Variants in CYRIB observed in about 807,000 individuals in gnomAD.
CYRIB encodes CYFIP-related Rac1 interactor B.
In CYRIB, 8 loss-of-function variants were observed where a neutral mutation model predicts 44.2. The ratio of observed to expected loss-of-function variants is 0.18; its 90% CI spans 0.11 to 0.33. The LOEUF is 0.33. Ranked by LOEUF, CYRIB falls within the 10% of genes least tolerant of loss-of-function variation. The pLI is 1.00. For synonymous variants in CYRIB, 131 were observed against 127.2 expected (o/e 1.03, Z -0.20); for missense variants, 185 against 382.8 (o/e 0.48, Z 4.31).
At chr8:129,965,640 C>CA (rs2095446012) in intron 2 of CYRIB, among the ~76,000 whole-genome samples, 2 of 151,586 alleles carry the variant, frequency 1.3e-5, no homozygotes, top group South Asian at 4.2e-4. Context: ...ACTAAAAATA[C>CA]AAAAAATTAA....
chr8:129,975,727 T>C (rs985255067), intron 1 of CYRIB, among the ~76,000 whole-genome samples: 1 of 152,252 alleles, frequency 6.6e-6, no homozygotes, highest in Non-Finnish European at 1.5e-5. Flanking sequence ...TTGCTTATTC[T>C]ACTTGGCATA....
intron 4 of CYRIB, among the ~76,000 whole-genome samples, chr8:129,870,614 C>G (rs2056770863): frequency 6.6e-6 from 1 of 152,024 alleles, no homozygotes; most frequent in South Asian, 2.1e-4. Flanking sequence ...AAAGAGTGAC[C>G]CTGATGACCT....
intron 1 of CYRIB, among the ~76,000 whole-genome samples, chr8:130,007,269 C>T (rs889284330): frequency 6.6e-6 from 1 of 152,124 alleles, no homozygotes; most frequent in African/African-American, 2.4e-5. Flanking sequence ...TGTCTGCTCT[C>T]GGCTACACAA....
intron 1 of CYRIB, among the ~76,000 whole-genome samples, chr8:130,005,954 C>A (rs1048915573): frequency 1.3e-5 from 2 of 152,142 alleles, no homozygotes; most frequent in African/African-American, 4.8e-5. Flanking sequence ...ACAGATATTT[C>A]TCTAACCCAG....
intron 3 of CYRIB, among the ~76,000 whole-genome samples, chr8:129,876,733 T>C (rs1377803103): frequency 6.6e-6 from 1 of 151,838 alleles, no homozygotes; most frequent in African/African-American, 2.4e-5. Context: ...CAGAGACATA[T>C]TGGGTCACCC....
At chr8:130,011,745 A>G (rs1027850759) in intron 1 of CYRIB, among the ~76,000 whole-genome samples, 3 of 152,118 alleles carry the variant, frequency 2.0e-5, no homozygotes, top group African/African-American at 7.2e-5. Context: ...AGGCAGAAGA[A>G]TGGCATGAAT....
intron 2 of CYRIB, among the ~76,000 whole-genome samples, chr8:129,956,249 C>G (rs553131913): frequency 2.6e-5 from 4 of 152,238 alleles, no homozygotes; most frequent in African/African-American, 9.6e-5. Context: ...ATTGTCACTT[C>G]CATTATCCCC....
intron 5 of CYRIB, 141 bp from the exon 8 acceptor site, chr8:129,855,888 T>C: frequency 1.3e-6 from 1 of 749,926 alleles, no homozygotes; most frequent in Non-Finnish European, 2.1e-6. Context: ...ATAAAACTAA[T>C]TAAGAAGTTT....
At chr8:129,846,673 A>C in intron 11 of CYRIB, 131 bp downstream of exon 13, 1 of 629,312 alleles carries the variant, frequency 1.6e-6, no homozygotes, top group East Asian at 3.2e-5. Context: ...AAACAAAATA[A>C]GATCTTCATA....
intron 5 of CYRIB, among the ~76,000 whole-genome samples, chr8:129,860,580 T>C (rs776134474): frequency 2.6e-5 from 4 of 152,202 alleles, no homozygotes; most frequent in Non-Finnish European, 2.9e-5. Flanking sequence ...TGTCTTAACA[T>C]TACATTTAAC....
At chr8:129,862,482 T>G (rs2050335696) in intron 4 of CYRIB, 148 bp from the exon 7 acceptor site, 1 of 690,158 alleles carries the variant, frequency 1.4e-6, no homozygotes, top group Non-Finnish European at 2.4e-6. Flanking sequence ...TGAATATTTT[T>G]TTTTTTGAGA....
At chr8:129,958,788 G>A (rs939892411) in intron 2 of CYRIB, among the ~76,000 whole-genome samples, 4 of 150,746 alleles carry the variant, frequency 2.7e-5, no homozygotes, top group Non-Finnish European at 4.4e-5. Context: ...AAAAGAGGCC[G>A]GGAGCAGTGG....
intron 10 of CYRIB, among the ~76,000 whole-genome samples, chr8:129,847,915 C>A (rs2041087783): frequency 6.6e-6 from 1 of 152,204 alleles, no homozygotes; most frequent in South Asian, 2.1e-4. Flanking sequence ...GATTCTCCCA[C>A]CTCAGCCTCC....
intron 1 of CYRIB, 130 bp from the exon 4 acceptor site, chr8:129,903,480 A>T (rs1022034202): frequency 6.6e-6 from 1 of 152,320 alleles, no homozygotes; most frequent in African/African-American, 2.4e-5. Flanking sequence ...ATACACACAT[A>T]TATTTATTTA....
chr8:129,850,388 A>G (rs1399044087), intron 9 of CYRIB: 1 of 158,138 alleles, frequency 6.3e-6, no homozygotes, highest in African/African-American at 2.4e-5. Flanking sequence ...AAAAAAAGAA[A>G]AGAGTGACAA....
At chr8:129,890,542 C>T (rs1478003391) in intron 2 of CYRIB, 1 of 152,176 alleles carries the variant, frequency 6.6e-6, no homozygotes, top group Non-Finnish European at 1.5e-5. Flanking sequence ...AGGCACCACC[C>T]TCATCAAATA....
intron 1 of CYRIB, among the ~76,000 whole-genome samples, chr8:130,008,747 T>C (rs561210736): frequency 8.5e-5 from 13 of 152,356 alleles, no homozygotes; most frequent in Admixed American, 7.8e-4. Flanking sequence ...GTTTGATCTG[T>C]CTACACACTG....
In CYRIB at chr8:129,877,121, A is replaced by G. The variant is rs570873406; in HGVS notation, c.73+2268T>C. ...ATGCCAATGTTAGAATCAAAAGACA[A>G]TGTATCTAAAAATCTAAATAAGAAA... On this transcript the variant is annotated intron_variant, in intron 3 of 11. Transcript: ENST00000519824. Among the ~76,000 whole-genome samples, 10 of 152,338 alleles carry G rather than the reference A, an allele frequency of 6.6e-5. No homozygotes were observed. The South Asian group carries it at 2.1e-3, about 32-fold the overall frequency.
At chr8:129,966,319 G>GAT (rs2095478353) in intron 2 of CYRIB, among the ~76,000 whole-genome samples, 1 of 152,224 alleles carries the variant, frequency 6.6e-6, no homozygotes, top group Non-Finnish European at 1.5e-5. Flanking sequence ...CAGGATCAGA[G>GAT]GGTATGTGCA....
Sources: gnomAD v4.1 joint callset for allele counts (sites outside exome capture counted in the v4.1 genomes callset) on GRCh38, gnomAD v4.1.1 for gene constraint, MANE v1.5 for transcripts, NCBI Gene and HGNC (gene_info 2026-07-23, HGNC 2026-07-21) for gene names.